The following CRIM1 variants were observed in gnomAD, a reference collection of about 807,000 sequenced individuals.
The protein encoded by CRIM1 is cysteine rich transmembrane BMP regulator 1, also known as cysteine-rich motor neuron 1 protein.
A neutral mutation model predicts 116.4 loss-of-function variants in CRIM1; 32 were observed. That is an observed-to-expected ratio of 0.27 (90% CI 0.21 to 0.37). CRIM1 has a LOEUF of 0.37. CRIM1 is among the 10% of genes least tolerant of loss of function. The pLI is 1.00. For synonymous variants in CRIM1, 590 were observed against 509.2 expected, an observed-to-expected ratio of 1.16 and a Z score of -2.13; for missense variants, 1,331 against 1,354.8, an observed-to-expected ratio of 0.98 and a Z score of 0.28.
At chr2:36,405,323 A>G (rs532379151) in intron 2 of CRIM1, among the ~76,000 whole-genome samples, 1 of 152,180 alleles carries the variant, frequency 6.6e-6, no homozygotes, top group Non-Finnish European at 1.5e-5. Context: ...GAACCGCTTC[A>G]TGGAGACACT....
chr2:36,453,633 G>A (rs1324118372), intron 4 of CRIM1, among the ~76,000 whole-genome samples: 2 of 152,208 alleles, frequency 1.3e-5, no homozygotes, highest in Admixed American at 6.5e-5. Context: ...TCATGTGCCA[G>A]GCATTGGGCT....
At chr2:36,367,524 C>T (rs720454) in intron 1 of CRIM1, among the ~76,000 whole-genome samples, 9 of 152,316 alleles carry the variant, frequency 5.9e-5, no homozygotes, top group Non-Finnish European at 1.2e-4. Flanking sequence ...AAATAGTTAC[C>T]TACCTCAAGA....
At chr2:36,529,776 C>G (rs560841521) in intron 13 of CRIM1, among the ~76,000 whole-genome samples, 6 of 152,272 alleles carry the variant, frequency 3.9e-5, no homozygotes, top group African/African-American at 1.2e-4. Flanking sequence ...ACTTGGAAGC[C>G]TGAGCAATCA....
intron 4 of CRIM1, among the ~76,000 whole-genome samples, chr2:36,463,441 A>C (rs1481430007): frequency 6.6e-6 from 1 of 152,180 alleles, no homozygotes; most frequent in Non-Finnish European, 1.5e-5. Flanking sequence ...CCTCTACCGT[A>C]TGTAAATACC....
chr2:36,377,334 C>G (rs1034644138), intron 1 of CRIM1, among the ~76,000 whole-genome samples: 2 of 152,230 alleles, frequency 1.3e-5, no homozygotes, highest in Non-Finnish European at 2.9e-5. Context: ...GATACAGTCT[C>G]AAGAAAACCT....
intron 2 of CRIM1, among the ~76,000 whole-genome samples, chr2:36,411,242 G>C (rs1228510297): frequency 6.6e-6 from 1 of 151,968 alleles, no homozygotes; most frequent in East Asian, 1.9e-4. Context: ...TTATTATGTG[G>C]TGTTAACACT....
rs1209533190 is a variant in CRIM1 at position 36,356,391 on chromosome 2, G to A, written c.99G>A (p.Arg33=). 6.2e-7 allele frequency: 1 copy of A among 1,601,694 alleles called. No individual in the cohort carries two copies. The highest frequency in any genetic ancestry group is 2.0e-4 in the Middle Eastern group (1 of 5,030). Reference sequence around the variant, plus strand: ...TGCTGCTGGCGCGCTCCGGCACCCGGGCGCTGGTCTGCCTGCCCTGTGACG... The same window carrying A: ...TGCTGCTGGCGCGCTCCGGCACCCGAGCGCTGGTCTGCCTGCCCTGTGACG... ...LLLLLARSGT[R]ALVCLPCDES... The change falls in exon 1 of 17, where the codon CGG becomes CGA. Residue 33 remains arginine (R), a synonymous_variant. Coordinates refer to ENST00000280527, the MANE Select transcript of CRIM1 (RefSeq NM_016441.3). This position sits in a 1 kb window ranked among gnomAD's most constrained non-coding sequence, Gnocchi z 4.3.
chr2:36,482,421 C>T (rs892986759), intron 7 of CRIM1, among the ~76,000 whole-genome samples: 1 of 152,024 alleles, frequency 6.6e-6, no homozygotes, highest in Admixed American at 6.5e-5. Flanking sequence ...AATAAACTTA[C>T]AAAATAACAC....
In CRIM1 at chr2:36,522,288, A is replaced by G. The variant is rs1326792866; in HGVS notation, c.2403A>G (p.Lys801=). 3.7e-6 allele frequency: 6 copies of G among 1,614,138 alleles called. No individual in the cohort carries two copies. Among genetic ancestry groups the G allele is most frequent in the East Asian group, 2.2e-5 (1 of 44,884 alleles). Residue 801 remains lysine, a synonymous_variant, in exon 13 of 17, where the codon AAA becomes AAG. Coordinates refer to ENST00000280527, the MANE Select transcript of CRIM1 (RefSeq NM_016441.3). ...SVSCERPVLR[K]GQCCPYCIED... ...CCTGTGAAAGACCTGTCTTGAGAAA[A>G]GGCCAGTGTTGTCCCTACTGCATAG...
chr2:36,361,560 C>T (rs1429941367), intron 1 of CRIM1, among the ~76,000 whole-genome samples: 1 of 151,998 alleles, frequency 6.6e-6, no homozygotes, highest in Admixed American at 6.6e-5. Flanking sequence ...TAAAGAATGA[C>T]GAATGGGAGA....
chr2:36,550,878 T>C lies in CRIM1; in HGVS notation c.*2177T>C, dbSNP rs1418220649. On this transcript the variant is annotated 3_prime_UTR_variant, in exon 17 of 17. Transcript: ENST00000280527. ...ATATTATGAAAATACTAACAGGATATAGGACAAGGTGTAAATTTTTTTATT... is the reference window on the plus strand; with the variant it reads ...ATATTATGAAAATACTAACAGGATACAGGACAAGGTGTAAATTTTTTTATT... The C allele has an allele frequency of 2.0e-5, 3 of 152,542 alleles. No individual in the cohort carries two copies. The highest frequency in any genetic ancestry group is 2.9e-5 in the Non-Finnish European group (2 of 68,004). The allele number at this position is 152,542 out of a possible 1,614,324, so 9.4% of individuals were successfully genotyped here.
Position 36,464,617 on chromosome 2 carries a change from C to T in CRIM1, c.953C>T (p.Thr318Ile). Residue 318 changes from threonine to isoleucine, a missense_variant, in exon 5 of 17, where the codon ACA becomes ATA. Around this residue, in one of 3 missense-constraint regions of CRIM1, gnomAD observed 690 missense variants for 676.0 expected, o/e 1.02. Coordinates refer to ENST00000280527, the MANE Select transcript of CRIM1 (RefSeq NM_016441.3). ...CGCATAGTCTCTCGTGGCGATGGGA[C>T]ACCTGGAAAGTGCTGTGATGTCTTT... ...TPRIVSRGDG[T>I]PGKCCDVFEC... 1 of 1,614,106 alleles carries T rather than the reference C, an allele frequency of 6.2e-7. No homozygotes were observed. The highest frequency in any genetic ancestry group is 8.5e-7 in the Non-Finnish European group (1 of 1,180,000).
At chr2:36,480,164 A>G (rs1212902928) in intron 7 of CRIM1, among the ~76,000 whole-genome samples, 1 of 152,186 alleles carries the variant, frequency 6.6e-6, no homozygotes, top group South Asian at 2.1e-4. Flanking sequence ...TCTACTTCTC[A>G]TATACCAATG....
At chr2:36,392,252 C>G (rs532078406) in intron 1 of CRIM1, among the ~76,000 whole-genome samples, 1 of 152,296 alleles carries the variant, frequency 6.6e-6, no homozygotes, top group East Asian at 1.9e-4. Context: ...TTAGGTTTCT[C>G]TCTTTTATAC....
chr2:36,472,450 A>T (rs1264256990), intron 5 of CRIM1, among the ~76,000 whole-genome samples: 1 of 151,974 alleles, frequency 6.6e-6, no homozygotes, highest in Non-Finnish European at 1.5e-5. Flanking sequence ...TGTTTTTAGG[A>T]TTCTCCATCT....
chr2:36,496,516 T>C (rs1270133555), intron 7 of CRIM1, among the ~76,000 whole-genome samples: 1 of 152,230 alleles, frequency 6.6e-6, no homozygotes, highest in African/African-American at 2.4e-5. Context: ...TTTTTGCTTC[T>C]TGCATGCTAC....
At chr2:36,513,407 A>G (rs957404136) in intron 10 of CRIM1, 149 bp from the exon 11 acceptor site, 8 of 636,538 alleles carry the variant, frequency 1.3e-5, no homozygotes, top group African/African-American at 9.1e-5. Flanking sequence ...ACTGACTTAA[A>G]TTCTTTTCAT....
chr2:36,550,975 T>C lies in CRIM1; in HGVS notation c.*2274T>C, dbSNP rs1191907614. 6.6e-6 allele frequency: 1 copy of C among 152,638 alleles called. No homozygotes were observed. Among genetic ancestry groups the C allele is most frequent in the South Asian group, 2.1e-4 (1 of 4,828 alleles). 9.5% of individuals were successfully genotyped at this position (152,638 alleles called of 1,614,324 possible). A position where few individuals can be genotyped will look rare whatever the true frequency, so the allele number is the denominator to read the frequency against. ...TTTTACTTTGGTTCCTGTTGTGCTC[T>C]TGTAAAAGAAAAATATAATTTCCTG... On this transcript the variant is annotated 3_prime_UTR_variant, in exon 17 of 17. Coordinates refer to ENST00000280527, the MANE Select transcript of CRIM1 (RefSeq NM_016441.3).
intron 2 of CRIM1, among the ~76,000 whole-genome samples, chr2:36,416,710 G>C (rs1673647992): frequency 6.6e-6 from 1 of 152,160 alleles, no homozygotes; most frequent in Non-Finnish European, 1.5e-5. Context: ...AGTCATATTT[G>C]CTGTGTGCAG....
Sources: gnomAD v4.1 joint callset for allele counts (sites outside exome capture counted in the v4.1 genomes callset) on GRCh38, gnomAD v4.1.1 for gene constraint, gnomAD v4.1.1 regional missense constraint, Gnocchi (gnomAD v3.1) non-coding constraint, MANE v1.5 for transcripts, NCBI Gene and HGNC (gene_info 2026-07-23, HGNC 2026-07-21) for gene names.